SPOCK3: variants seen among roughly 807,000 people sequenced by gnomAD.
SPOCK3 encodes testican-3.
Under a neutral mutation model 56.6 loss-of-function variants are expected in SPOCK3, and 30 were observed. The observed-to-expected ratio is 0.53, with a 90% CI of 0.40 to 0.72. The LOEUF is 0.72. Among genes scored for constraint, SPOCK3 ranks in the 30% least tolerant of loss-of-function variants. The pLI, the probability that SPOCK3 is intolerant of heterozygous loss-of-function variation, is 0.00. For synonymous variants in SPOCK3, 196 were observed against 183.3 expected (o/e 1.07, Z -0.56); for missense variants, 527 against 530.0 (o/e 0.99, Z 0.06).
chr4:167,182,831 C>A (rs533933273), intron 2 of SPOCK3, among the ~76,000 whole-genome samples: 1 of 152,072 alleles, frequency 6.6e-6, no homozygotes, highest in African/African-American at 2.4e-5. Flanking sequence ...CCACTGTGCC[C>A]GTCCCATTTT....
At chr4:167,214,137 C>T (rs1173337281) in intron 2 of SPOCK3, among the ~76,000 whole-genome samples, 1 of 151,774 alleles carries the variant, frequency 6.6e-6, no homozygotes, top group East Asian at 2.0e-4. Flanking sequence ...GGATGTCTTC[C>T]AAGATGTAAA....
chr4:167,101,290 C>T (rs1003865993), intron 2 of SPOCK3, among the ~76,000 whole-genome samples: 5 of 152,120 alleles, frequency 3.3e-5, no homozygotes, highest in African/African-American at 1.2e-4. Context: ...CCAAACCCTT[C>T]TTGTTGTACT....
At chr4:166,867,069 T>C (rs1731926274) in intron 6 of SPOCK3, among the ~76,000 whole-genome samples, 1 of 152,044 alleles carries the variant, frequency 6.6e-6, no homozygotes, top group Non-Finnish European at 1.5e-5. Context: ...AAGCTTAACC[T>C]AAGTTAGAAG....
chr4:166,946,991 C>CT (rs1741842826), intron 4 of SPOCK3, among the ~76,000 whole-genome samples: 1 of 152,132 alleles, frequency 6.6e-6, no homozygotes, highest in African/African-American at 2.4e-5. Flanking sequence ...TCTAAGTTAA[C>CT]TATACCAGGT....
intron 2 of SPOCK3, among the ~76,000 whole-genome samples, chr4:167,138,914 T>C: frequency 6.6e-6 from 1 of 152,060 alleles, no homozygotes; most frequent in East Asian, 1.9e-4. Flanking sequence ...TTAATGCAAT[T>C]CCATCATCTT....
At chr4:166,877,186 A>G (rs1246668686) in intron 6 of SPOCK3, among the ~76,000 whole-genome samples, 1 of 152,158 alleles carries the variant, frequency 6.6e-6, no homozygotes, top group Non-Finnish European at 1.5e-5. Context: ...GTATTTTACC[A>G]TGTACACAAA....
intron 7 of SPOCK3, among the ~76,000 whole-genome samples, chr4:166,776,815 T>C (rs1739600413): frequency 6.6e-6 from 1 of 152,220 alleles, no homozygotes; most frequent in South Asian, 2.1e-4. Flanking sequence ...TGGATGCAGA[T>C]GCCATGACTT....
At chr4:166,812,380 A>G (rs1450633301) in intron 6 of SPOCK3, among the ~76,000 whole-genome samples, 2 of 151,952 alleles carry the variant, frequency 1.3e-5, no homozygotes, top group Non-Finnish European at 2.9e-5. Flanking sequence ...TAAAGTTAAC[A>G]TAAGAATTAA....
At chr4:166,773,898 A>C (rs1375594882) in intron 7 of SPOCK3, among the ~76,000 whole-genome samples, 1 of 152,054 alleles carries the variant, frequency 6.6e-6, no homozygotes, top group East Asian at 1.9e-4. Flanking sequence ...ATAATCTAAA[A>C]CCACTCTTTT....
chr4:166,779,809 T>C (rs1332629166), intron 7 of SPOCK3, among the ~76,000 whole-genome samples: 1 of 152,160 alleles, frequency 6.6e-6, no homozygotes. Flanking sequence ...TTCCTAATCA[T>C]AGTCAAACTT....
intron 6 of SPOCK3, among the ~76,000 whole-genome samples, chr4:166,847,143 T>C (rs955422443): frequency 5.9e-5 from 9 of 152,082 alleles, no homozygotes; most frequent in Admixed American, 1.3e-4. Flanking sequence ...TGATATGTCA[T>C]CCTGTACTGC....
intron 2 of SPOCK3, among the ~76,000 whole-genome samples, chr4:167,118,315 T>C (rs1761598145): frequency 6.6e-6 from 1 of 152,182 alleles, no homozygotes; most frequent in Non-Finnish European, 1.5e-5. Flanking sequence ...AGGAGCTCCA[T>C]AATCACTTAT....
intron 3 of SPOCK3, among the ~76,000 whole-genome samples, chr4:167,049,181 T>C (rs574956524): frequency 2.2e-4 from 33 of 151,952 alleles, no homozygotes; most frequent in African/African-American, 7.0e-4. Flanking sequence ...TTCAGCTCAC[T>C]GCAACCTCTG....
chr4:166,735,164 TA>T, intron 10 of SPOCK3, 74 bp from the exon 11 acceptor site: 2 of 880,746 alleles, frequency 2.3e-6, no homozygotes, highest in South Asian at 1.8e-5. Flanking sequence ...AAAATCCTTA[TA>T]AAAATTAAGA....
At chr4:167,088,119 A>G (rs922993189) in intron 2 of SPOCK3, among the ~76,000 whole-genome samples, 17 of 152,168 alleles carry the variant, frequency 1.1e-4, no homozygotes, top group African/African-American at 4.1e-4. Flanking sequence ...ATGATATATA[A>G]CAAGTACTAT....
intron 6 of SPOCK3, among the ~76,000 whole-genome samples, chr4:166,874,641 T>G (rs765101359): frequency 6.6e-6 from 1 of 152,158 alleles, no homozygotes; most frequent in Non-Finnish European, 1.5e-5. Flanking sequence ...GTGTGGCCCC[T>G]ACAACTGTGA....
chr4:166,820,590 G>A (rs912052419), intron 6 of SPOCK3, among the ~76,000 whole-genome samples: 1 of 151,858 alleles, frequency 6.6e-6, no homozygotes, highest in African/African-American at 2.4e-5. Context: ...TTGGGAGGCC[G>A]AGGTTGAGTG....
chr4:166,787,835 G>A (rs1034789449), intron 7 of SPOCK3, among the ~76,000 whole-genome samples: 1 of 151,996 alleles, frequency 6.6e-6, no homozygotes, highest in Non-Finnish European at 1.5e-5. Flanking sequence ...ATATATATAG[G>A]TATACTGATG....
At chr4:166,926,362 A>C (rs1255016863) in intron 4 of SPOCK3, among the ~76,000 whole-genome samples, 1 of 152,168 alleles carries the variant, frequency 6.6e-6, no homozygotes, top group Non-Finnish European at 1.5e-5. Context: ...ACAGATAGCC[A>C]AATCTGTAGA....
Sources: allele counts gnomAD v4.1 joint callset (sites outside exome capture counted in the v4.1 genomes callset), GRCh38; gene constraint gnomAD v4.1.1; transcripts MANE v1.5; gene names NCBI Gene and HGNC (gene_info 2026-07-23, HGNC 2026-07-21).